POC1B: variants seen among roughly 807,000 people sequenced by gnomAD.
The protein encoded by POC1B is POC1 centriolar protein B.
POC1B carries 44 observed loss-of-function variants against 60.6 expected under a neutral mutation model. The ratio of observed to expected loss-of-function variants is 0.73; its 90% confidence interval spans 0.57 to 0.93. The LOEUF is 0.93. Among genes scored for constraint, POC1B ranks in the 40% least tolerant of loss-of-function variants. The pLI is 0.00. For synonymous variants in POC1B, 180 were observed against 198.9 expected (o/e 0.90, Z 0.80); for missense variants, 555 against 572.3 (o/e 0.97, Z 0.31).
At chr12:89,443,524 A>G (rs1881626018) in intron 10 of POC1B, among the ~76,000 whole-genome samples, 1 of 151,936 alleles carries the variant, frequency 6.6e-6, no homozygotes, top group African/African-American at 2.4e-5. Context: ...AACGAAATGA[A>G]GGCAGAAATA....
Position 89,501,728 on chromosome 12 carries a change from G to A in POC1B, c.101-4386C>T, listed in dbSNP as rs76746821. On this transcript the variant is annotated intron_variant, in intron 2 of 11. Coordinates refer to ENST00000313546, the MANE Select transcript of POC1B (RefSeq NM_172240.3). ...AAATCAGAGGAGAGTCCTGTTTATA[G>A]CAATTCTTCAATAAGAAATGAATTA... is the stretch of plus-strand genomic sequence containing the variant. 5.3e-3 allele frequency: 4,892 copies of A among 925,744 alleles called. 147 individuals are homozygous for A. The Admixed American group carries it at 0.061, about 11-fold the overall frequency. 57.3% of individuals were successfully genotyped at this position (925,744 alleles called of 1,614,324 possible). A position where few individuals can be genotyped will look rare whatever the true frequency, so the allele number is the denominator to read the frequency against.
intron 9 of POC1B, among the ~76,000 whole-genome samples, chr12:89,464,676 C>T (rs149639090): frequency 1.5e-4 from 22 of 151,068 alleles, no homozygotes; most frequent in African/African-American, 2.7e-4. Context: ...TTAGTAGAGA[C>T]GGGATTTCAC....
chr12:89,523,205 G>A (rs766568348), intron 2 of POC1B: 5 of 1,613,932 alleles, frequency 3.1e-6, no homozygotes, highest in South Asian at 1.1e-5. Flanking sequence ...CCTCTACTGC[G>A]AATAGCCCCA....
At chr12:89,413,277 C>T in the POC1B span, among the ~76,000 whole-genome samples, 8 of 152,272 alleles carry the variant, frequency 5.3e-5, no homozygotes, top group Non-Finnish European at 1.2e-4. Context: ...GCAATAATAG[C>T]TCTCTGCAGA....
chr12:89,496,673 C>T (rs1374982228), intron 3 of POC1B, among the ~76,000 whole-genome samples: 2 of 152,122 alleles, frequency 1.3e-5, no homozygotes, highest in East Asian at 3.9e-4. Flanking sequence ...TATGACCTTA[C>T]ACAAATTCAA....
intron 4 of POC1B, among the ~76,000 whole-genome samples, chr12:89,488,276 C>T (rs1868752973): frequency 6.6e-6 from 1 of 152,054 alleles, no homozygotes; most frequent in South Asian, 2.1e-4. Flanking sequence ...TATCAGCCAC[C>T]ATCACTCCAC....
At chr12:89,525,376 C>A (rs1209129582) in intron 1 of POC1B, 172 bp from the exon 2 acceptor site, 5 of 1,417,634 alleles carry the variant, frequency 3.5e-6, no homozygotes, top group Non-Finnish European at 4.6e-6. Flanking sequence ...GCGCCCAGTC[C>A]TGCTACAGGG....
chr12:89,412,807 G>GGTGC, the POC1B span, among the ~76,000 whole-genome samples: 1 of 127,486 alleles, frequency 7.8e-6, no homozygotes, highest in Non-Finnish European at 1.6e-5. Context: ...AGAAACACAT[G>GGTGC]TTCCTTCCTT....
At position 89,492,071 on chromosome 12, in the gene POC1B, C is replaced by A. The variant is rs76216585; in HGVS notation, c.317G>T (p.Arg106Leu). The A allele has an allele frequency of 5.0e-6, 8 of 1,597,630 alleles. No homozygotes were observed. The African/African-American group carries it at 1.1e-4, about 22-fold the overall frequency. Residue 106 changes from arginine to leucine, a missense_variant, in exon 4 of 12, where the codon CGA (arginine) becomes CTA (leucine). Physicochemically the swap from Arg to Leu is moderately radical, Grantham distance 102. Transcript: ENST00000313546. ...SEFKAHTAPVRSVDFSADGQF... is the reference protein window; with the variant it reads ...SEFKAHTAPVLSVDFSADGQF... ...GCCATCAGCTGAAAAGTCTACACTT[C>A]GAACTGGAGCTGTATGAGCTTTAAA...
chr12:89,485,639 T>C (rs527295464), intron 4 of POC1B, among the ~76,000 whole-genome samples: 231 of 152,264 alleles, frequency 1.5e-3, no homozygotes, highest in Non-Finnish European at 2.7e-3. Flanking sequence ...AACTGGCCAA[T>C]TGAACAAGAG....
Position 89,500,012 on chromosome 12 carries a change from A to C in POC1B, c.101-2670T>G, listed in dbSNP as rs141092188. ...CCGCCGCCTGGTAGTCCGGCGATTC[A>C]TTTCTTGCTCGGCCTCCTGGAGCTG... On this transcript the variant is annotated intron_variant, in intron 2 of 11. Transcript: ENST00000313546. 676 of 952,114 alleles carry C rather than the reference A, an allele frequency of 7.1e-4. 9 individuals carry two copies. In the East Asian group the frequency reaches 0.014, roughly 19 times the overall value. The allele number at this position is 952,114 out of a possible 1,614,324, so 59.0% of individuals were successfully genotyped here. A position where few individuals can be genotyped will look rare whatever the true frequency, so the allele number is the denominator to read the frequency against.
At chr12:89,423,693 C>G (rs1880638953) in intron 11 of POC1B, among the ~76,000 whole-genome samples, 1 of 152,146 alleles carries the variant, frequency 6.6e-6, no homozygotes, top group African/African-American at 2.4e-5. Flanking sequence ...TCACTGCTCC[C>G]CTTTTGCAAG....
In POC1B at chr12:89,501,728, G is replaced by C. The variant is rs76746821; in HGVS notation, c.101-4386C>G. 6.5e-6 allele frequency: 6 copies of C among 925,658 alleles called. No individual in the cohort carries two copies. The African/African-American group carries it at 9.7e-5, about 15-fold the overall frequency. 57.3% of individuals were successfully genotyped at this position (925,658 alleles called of 1,614,324 possible). On this transcript the variant is annotated intron_variant, in intron 2 of 11. Transcript: ENST00000313546. ...AAATCAGAGGAGAGTCCTGTTTATA[G>C]CAATTCTTCAATAAGAAATGAATTA...
intron 2 of POC1B, chr12:89,523,125 A>C: frequency 6.2e-7 from 1 of 1,613,992 alleles, no homozygotes; most frequent in Non-Finnish European, 8.5e-7. Flanking sequence ...CATGGCATCC[A>C]AACAGTGAAA....
intron 2 of POC1B, chr12:89,524,453 G>C (rs1002313819): frequency 1.2e-6 from 2 of 1,613,754 alleles, no homozygotes; most frequent in African/African-American, 2.7e-5. Context: ...GCGGAGGCAT[G>C]AAAAGTAGAG....
chr12:89,469,878 ATTTT>A (rs34404733), intron 7 of POC1B, among the ~76,000 whole-genome samples: 2 of 147,340 alleles, frequency 1.4e-5, no homozygotes, highest in Admixed American at 6.7e-5. Flanking sequence ...TTTTTCTTCC[ATTTT>A]TTTTTTTTGA....
intron 2 of POC1B, among the ~76,000 whole-genome samples, chr12:89,508,397 C>T (rs1592637566): frequency 6.6e-6 from 1 of 152,176 alleles, no homozygotes; most frequent in Non-Finnish European, 1.5e-5. Context: ...AGACTATAGG[C>T]TTGTTATTTT....
chr12:89,501,091 C>T (rs991897001), intron 2 of POC1B: 26 of 1,198,990 alleles, frequency 2.2e-5, no homozygotes, highest in East Asian at 4.7e-5. Context: ...TCTGAAACAA[C>T]GCACCATATC....
chr12:89,496,953 T>G, intron 3 of POC1B: 1 of 522,624 alleles, frequency 1.9e-6, no homozygotes, highest in Middle Eastern at 5.1e-4. Context: ...TTAGACATAT[T>G]AAGCATATTT....
Sources: gnomAD v4.1 joint callset for allele counts (sites outside exome capture counted in the v4.1 genomes callset) on GRCh38, gnomAD v4.1.1 for gene constraint, MANE v1.5 for transcripts, NCBI Gene and HGNC (gene_info 2026-07-23, HGNC 2026-07-21) for gene names.